Variants in KIAA1958 observed in about 807,000 individuals in gnomAD.
KIAA1958 encodes KIAA1958.
A neutral mutation model predicts 47.2 loss-of-function variants in KIAA1958; 14 were observed. The observed-to-expected ratio is 0.30, with a 90% confidence interval of 0.20 to 0.46. The LOEUF is 0.46. KIAA1958 is among the 20% of genes least tolerant of loss of function. The pLI, the probability that KIAA1958 is intolerant of heterozygous loss-of-function variation, is 1.00. For synonymous variants in KIAA1958, 354 were observed against 353.3 expected, an observed-to-expected ratio of 1.00 and a Z score of -0.02; for missense variants, 803 against 909.2, an observed-to-expected ratio of 0.88 and a Z score of 1.50.
chr9:112,591,880 C>T (rs928090344), intron 2 of KIAA1958, among the ~76,000 whole-genome samples: 3 of 152,152 alleles, frequency 2.0e-5, no homozygotes, highest in Admixed American at 6.6e-5. Context: ...CTCAGCAATG[C>T]AAGTGACTTC....
At chr9:112,609,115 T>A (rs1836282485) in intron 2 of KIAA1958, among the ~76,000 whole-genome samples, 1 of 152,136 alleles carries the variant, frequency 6.6e-6, no homozygotes, top group Admixed American at 6.5e-5. Context: ...GATGCAACAA[T>A]GGAAACAGAG....
At chr9:112,522,557 C>T (rs1193385915) in intron 1 of KIAA1958, among the ~76,000 whole-genome samples, 1 of 152,168 alleles carries the variant, frequency 6.6e-6, no homozygotes, top group Non-Finnish European at 1.5e-5. Flanking sequence ...CCATGATTCT[C>T]TCCTCCTTGG....
chr9:112,667,056 GATGTTGGGTTCAGAGAC>G lies in KIAA1958; in HGVS notation c.*6988_*7004del, dbSNP rs1428081766. The G allele has an allele frequency of 6.6e-6, 1 of 152,200 alleles. No homozygotes were observed. Among genetic ancestry groups the G allele is most frequent in the Non-Finnish European group, 1.5e-5 (1 of 68,044 alleles). 9.4% of individuals were successfully genotyped at this position (152,200 alleles called of 1,614,324 possible). A position where few individuals can be genotyped will look rare whatever the true frequency, so the allele number is the denominator to read the frequency against. On this transcript the variant is annotated 3_prime_UTR_variant, in exon 4 of 4. Transcript: ENST00000337530. ...GCAAATATTATGATTTTTTATGTAT[GATGTTGGGTTCAGAGAC>G]CCATAAAATCAGGCAATAGGAAGGA...
chr9:112,609,058 AAGG>A (rs1402435826), intron 2 of KIAA1958, among the ~76,000 whole-genome samples: 2 of 152,198 alleles, frequency 1.3e-5, no homozygotes, highest in African/African-American at 4.8e-5. Flanking sequence ...AAGCCAACAG[AAGG>A]AGGAGGATTT....
chr9:112,600,399 A>G (rs191875954), intron 2 of KIAA1958, among the ~76,000 whole-genome samples: 51 of 152,320 alleles, frequency 3.3e-4, no homozygotes, highest in Non-Finnish European at 2.9e-5. Flanking sequence ...TTTGAGGGGA[A>G]GGAACCATTG....
At chr9:112,603,912 G>A (rs1836178888) in intron 2 of KIAA1958, among the ~76,000 whole-genome samples, 1 of 152,110 alleles carries the variant, frequency 6.6e-6, no homozygotes, top group African/African-American at 2.4e-5. Flanking sequence ...TCAGTCACTG[G>A]TATGTAAAGA....
intron 1 of KIAA1958, among the ~76,000 whole-genome samples, chr9:112,556,556 A>G (rs1250334381): frequency 6.6e-6 from 1 of 151,998 alleles, no homozygotes; most frequent in East Asian, 1.9e-4. Context: ...GCTGTTCTCC[A>G]CCTCCTGTCC....
At chr9:112,515,780 C>T (rs1834420235) in intron 1 of KIAA1958, among the ~76,000 whole-genome samples, 2 of 105,296 alleles carry the variant, frequency 1.9e-5, no homozygotes, top group South Asian at 7.7e-4. Flanking sequence ...CTAGGAAAAC[C>T]AGAGACCTTT....
chr9:112,489,795 G>A (rs181232876), intron 1 of KIAA1958, among the ~76,000 whole-genome samples: 1 of 152,134 alleles, frequency 6.6e-6, no homozygotes, highest in Non-Finnish European at 1.5e-5. Context: ...AATTTGATAG[G>A]CTTTAAAATC....
At chr9:112,635,214 TTGTGTGTGTGTGTGTGTGTGTGTG>T (rs71999105) in intron 2 of KIAA1958, among the ~76,000 whole-genome samples, 12 of 130,350 alleles carry the variant, frequency 9.2e-5, no homozygotes, top group Admixed American at 7.0e-4. Flanking sequence ...ATTCTTTATT[TTGTGTGTGTGTGTGTGTGTGTGTG>T]TGTGTGTGTG....
chr9:112,487,120 T>C lies in KIAA1958; in HGVS notation c.-25+2T>C. On this transcript the variant is annotated splice_donor_variant, in intron 1 of 3. Coordinates refer to ENST00000337530, the MANE Select transcript of KIAA1958 (RefSeq NM_133465.4). LOFTEE classifies it low-confidence loss of function (5UTR_SPLICE). ...GGACAGACGCACAGACACCTGCAGG[T>C]GGGTGAGAGCCCGCGCGCGGGGCGG... 4.9e-6 allele frequency: 1 copy of C among 203,886 alleles called. No individual in the cohort carries two copies. 12.6% of individuals were successfully genotyped at this position (203,886 alleles called of 1,614,324 possible). A position where few individuals can be genotyped will look rare whatever the true frequency, so the allele number is the denominator to read the frequency against.
chr9:112,488,464 C>T (rs192757192), intron 1 of KIAA1958, among the ~76,000 whole-genome samples: 311 of 152,162 alleles, frequency 2.0e-3, no homozygotes, highest in African/African-American at 7.3e-3. Flanking sequence ...TTTTAATACG[C>T]AGGTATGGAT....
Position 112,490,095 on chromosome 9 carries a change from C to T in KIAA1958, c.-25+2977C>T, listed in dbSNP as rs189067339. Among the ~76,000 whole-genome samples the T allele has an allele frequency of 1.2e-4, 18 of 152,310 alleles. No individual in the cohort carries two copies. In the East Asian group the frequency reaches 3.3e-3, roughly 28 times the overall value. On this transcript the variant is annotated intron_variant, in intron 1 of 3. Transcript: ENST00000337530. Reference sequence around the variant, plus strand: ...TTTATCATCATCCTGCATTGTTTAACAACAGCACCAACACCATGCTGCTTG... The same window carrying T: ...TTTATCATCATCCTGCATTGTTTAATAACAGCACCAACACCATGCTGCTTG...
At chr9:112,637,862 T>A (rs973624320) in intron 2 of KIAA1958, among the ~76,000 whole-genome samples, 1 of 151,910 alleles carries the variant, frequency 6.6e-6, no homozygotes, top group Non-Finnish European at 1.5e-5. Flanking sequence ...CTTTCTCTTA[T>A]GCTGGGCCAG....
intron 2 of KIAA1958, among the ~76,000 whole-genome samples, chr9:112,585,353 A>G (rs948816252): frequency 2.0e-5 from 3 of 152,242 alleles, no homozygotes; most frequent in African/African-American, 7.2e-5. Context: ...CAGGGAACAC[A>G]TGGAAGTATA....
At chr9:112,610,106 C>G (rs1836299084) in intron 2 of KIAA1958, among the ~76,000 whole-genome samples, 1 of 151,914 alleles carries the variant, frequency 6.6e-6, no homozygotes, top group South Asian at 2.1e-4. Context: ...TGTTATAACA[C>G]TAAATTTTTT....
chr9:112,645,539 GT>G (rs1448572930), intron 2 of KIAA1958, 110 bp from the exon 3 acceptor site: 5 of 681,200 alleles, frequency 7.3e-6, no homozygotes, highest in Non-Finnish European at 9.8e-6. Flanking sequence ...GACATTTCAT[GT>G]TTTAAAGTGT....
intron 2 of KIAA1958, among the ~76,000 whole-genome samples, chr9:112,591,051 G>A (rs1454795259): frequency 6.6e-6 from 1 of 152,112 alleles, no homozygotes; most frequent in African/African-American, 2.4e-5. Flanking sequence ...AAACTTAAAT[G>A]CATTGAAATG....
intron 2 of KIAA1958, among the ~76,000 whole-genome samples, chr9:112,585,229 C>T (rs181689837): frequency 4.2e-4 from 64 of 152,258 alleles, no homozygotes; most frequent in African/African-American, 1.3e-3. Context: ...TTTCCTGCCT[C>T]AAGGATATCA....
Sources: gnomAD v4.1 joint callset for allele counts (sites outside exome capture counted in the v4.1 genomes callset) on GRCh38, gnomAD v4.1.1 for gene constraint, MANE v1.5 for transcripts, NCBI Gene and HGNC (gene_info 2026-07-23, HGNC 2026-07-21) for gene names.